The following MAMDC2 variants were observed in gnomAD, a reference collection of about 807,000 sequenced individuals.
MAMDC2 encodes the protein MAM domain containing 2, also known as MAM domain-containing protein 2.
MAMDC2 carries 57 observed loss-of-function variants against 89.8 expected under a neutral mutation model. The ratio of observed to expected loss-of-function variants is 0.63; its 90% CI spans 0.51 to 0.79. MAMDC2 has a LOEUF of 0.79. Among genes scored for constraint, MAMDC2 ranks in the 30% least tolerant of loss-of-function variants. The pLI is 0.00. For synonymous variants in MAMDC2, 313 were observed against 293.4 expected (o/e 1.07, Z -0.68); for missense variants, 800 against 820.6 (o/e 0.97, Z 0.31).
chr9:70,198,160 G>A (rs368803491), intron 11 of MAMDC2, among the ~76,000 whole-genome samples: 15 of 51,134 alleles, frequency 2.9e-4, no homozygotes, highest in African/African-American at 4.9e-4. Flanking sequence ...GTGTATGTGT[G>A]TATATATATA....
chr9:70,059,145 C>T (rs187825719), intron 2 of MAMDC2, among the ~76,000 whole-genome samples: 28 of 152,014 alleles, frequency 1.8e-4, no homozygotes, highest in Non-Finnish European at 2.8e-4. Flanking sequence ...TGAACTCAAA[C>T]GGGTAGCGAG....
At chr9:70,138,046 A>G (rs2031071067) in intron 7 of MAMDC2, among the ~76,000 whole-genome samples, 1 of 152,122 alleles carries the variant, frequency 6.6e-6, no homozygotes, top group African/African-American at 2.4e-5. Flanking sequence ...CTTACCTTCC[A>G]TACCCCCTCC....
chr9:70,199,499 C>T (rs1466783320), intron 11 of MAMDC2, among the ~76,000 whole-genome samples: 2 of 149,034 alleles, frequency 1.3e-5, no homozygotes, highest in African/African-American at 4.9e-5. Context: ...TGAATAATGC[C>T]GCAATAAACA....
Position 70,149,754 on chromosome 9 carries a change from G to A in MAMDC2, c.1404+5935G>A, listed in dbSNP as rs1351290942. ...ATTTTATAAAGTGCACCAGGGTATTGTAACATCCAACATAGAGAACTATTG... is the reference window on the plus strand; with the variant it reads ...ATTTTATAAAGTGCACCAGGGTATTATAACATCCAACATAGAGAACTATTG... On this transcript the variant is annotated intron_variant, in intron 9 of 13. Transcript: ENST00000377182. Among the ~76,000 whole-genome samples the A allele has an allele frequency of 5.9e-5, 9 of 152,160 alleles. No individual in the cohort carries two copies. The East Asian group carries it at 1.7e-3, about 29-fold the overall frequency.
chr9:70,125,510 A>G (rs946581867), intron 5 of MAMDC2, among the ~76,000 whole-genome samples: 1 of 152,228 alleles, frequency 6.6e-6, no homozygotes, highest in African/African-American at 2.4e-5. Context: ...AATGGAGGCC[A>G]GCCTCTGGGT....
At chr9:70,143,011 T>G (rs1467096462) in intron 8 of MAMDC2, among the ~76,000 whole-genome samples, 1 of 152,138 alleles carries the variant, frequency 6.6e-6, no homozygotes, top group African/African-American at 2.4e-5. Flanking sequence ...AGGATCCATC[T>G]GATGAAAAAC....
intron 2 of MAMDC2, among the ~76,000 whole-genome samples, chr9:70,073,095 A>C (rs1827446370): frequency 1.3e-5 from 2 of 152,234 alleles, no homozygotes; most frequent in Non-Finnish European, 2.9e-5. Flanking sequence ...TGGCCTCCCA[A>C]AGTGCTGGGA....
At chr9:70,188,762 A>ATTTTTTTTTTTTTTTT (rs10701601) in intron 11 of MAMDC2, 2 of 95,164 alleles carry the variant, frequency 2.1e-5, no homozygotes, top group African/African-American at 8.5e-5. Context: ...AAAACAATTG[A>ATTTTTTTTTTTTTTTT]TTTTTTTTTT....
At chr9:70,048,743 G>A (rs1826819188) in intron 2 of MAMDC2, among the ~76,000 whole-genome samples, 1 of 152,212 alleles carries the variant, frequency 6.6e-6, no homozygotes, top group Non-Finnish European at 1.5e-5. Flanking sequence ...CCATTTTCCT[G>A]ATGCCAGCTG....
chr9:70,150,686 C>T (rs911054618), intron 9 of MAMDC2, among the ~76,000 whole-genome samples: 26 of 152,178 alleles, frequency 1.7e-4, no homozygotes, highest in Non-Finnish European at 1.6e-4. Context: ...AAATTCCAGA[C>T]GAAACCCTTC....
At chr9:70,047,691 A>G (rs750600767) in intron 2 of MAMDC2, among the ~76,000 whole-genome samples, 6 of 152,186 alleles carry the variant, frequency 3.9e-5, no homozygotes, top group Non-Finnish European at 5.9e-5. Context: ...TTATATGTCC[A>G]TGGTCCGTAG....
intron 2 of MAMDC2, among the ~76,000 whole-genome samples, chr9:70,084,449 A>G (rs1827721789): frequency 6.6e-6 from 1 of 152,074 alleles, no homozygotes; most frequent in Non-Finnish European, 1.5e-5. Context: ...GAATGAACTC[A>G]GAGCTGGTTC....
At chr9:70,095,328 TG>T (rs1828001671) in intron 2 of MAMDC2, among the ~76,000 whole-genome samples, 1 of 152,132 alleles carries the variant, frequency 6.6e-6, no homozygotes, top group Non-Finnish European at 1.5e-5. Context: ...TAGATTAGAC[TG>T]GGGCAAGACT....
At chr9:70,155,896 T>C (rs1198198376) in intron 9 of MAMDC2, among the ~76,000 whole-genome samples, 1 of 152,206 alleles carries the variant, frequency 6.6e-6, no homozygotes. Flanking sequence ...GAATCTTTTA[T>C]AAGTCATTGA....
chr9:70,093,592 AT>A (rs1028913947), intron 2 of MAMDC2, among the ~76,000 whole-genome samples: 245 of 144,644 alleles, frequency 1.7e-3, no homozygotes, highest in Middle Eastern at 3.6e-3. Flanking sequence ...TGCCCGGCTA[AT>A]TTTTTTTTTT....
At chr9:70,068,857 G>T (rs1827332699) in intron 2 of MAMDC2, among the ~76,000 whole-genome samples, 1 of 152,144 alleles carries the variant, frequency 6.6e-6, no homozygotes, top group African/African-American at 2.4e-5. Context: ...TTTATTAGGG[G>T]ACAGAGGACA....
intron 7 of MAMDC2, among the ~76,000 whole-genome samples, chr9:70,135,073 T>A (rs1325943314): frequency 6.6e-6 from 1 of 152,192 alleles, no homozygotes. Context: ...TGCAACACAC[T>A]CCCGCTAATT....
At chr9:70,181,309 T>G (rs1391915217) in intron 11 of MAMDC2, among the ~76,000 whole-genome samples, 1 of 152,222 alleles carries the variant, frequency 6.6e-6, no homozygotes, top group South Asian at 2.1e-4. Flanking sequence ...TTGTTCTTTT[T>G]GCTTAGGATA....
chr9:70,108,635 T>G (rs1176349838), intron 3 of MAMDC2, among the ~76,000 whole-genome samples, 153 bp downstream of exon 3: 1 of 152,240 alleles, frequency 6.6e-6, no homozygotes, highest in Non-Finnish European at 1.5e-5. Context: ...ATATTAGCAA[T>G]GGAAATTAAC....
Sources: gnomAD v4.1 joint callset for allele counts (sites outside exome capture counted in the v4.1 genomes callset) on GRCh38, gnomAD v4.1.1 for gene constraint, MANE v1.5 for transcripts, NCBI Gene and HGNC (gene_info 2026-07-23, HGNC 2026-07-21) for gene names.